PTN: variants seen among roughly 807,000 people sequenced by gnomAD.
PTN encodes the protein heparin affin regulatory protein.
A neutral mutation model predicts 24.1 loss-of-function variants in PTN; 18 were observed. That is an observed-to-expected ratio of 0.75 (90% CI 0.52 to 1.11). The LOEUF is 1.11. Among genes scored for constraint, PTN ranks in the 50% least tolerant of loss-of-function variants. PTN has a pLI of 0.00. For missense variants in PTN, 163 were observed against 198.8 expected, an observed-to-expected ratio of 0.82 and a Z score of 1.08; for synonymous variants, 78 against 68.6, an observed-to-expected ratio of 1.14 and a Z score of -0.67.
chr7:137,241,412 C>T (rs908091069), intron 4 of PTN, among the ~76,000 whole-genome samples: 3 of 152,112 alleles, frequency 2.0e-5, no homozygotes, highest in Non-Finnish European at 4.4e-5. Context: ...CTAAGCTCTC[C>T]GTAAATATAA....
intron 1 of PTN, among the ~76,000 whole-genome samples, chr7:137,308,635 T>A (rs778150297): frequency 6.6e-6 from 1 of 152,130 alleles, no homozygotes; most frequent in Non-Finnish European, 1.5e-5. Flanking sequence ...ACAGTCTATA[T>A]CCTGAGAGGT....
In PTN at chr7:137,311,879, C is replaced by T. The variant is rs571615598; in HGVS notation, c.-2+31560G>A. ...ATTACTAAAATATGACACAGAGACA[C>T]AAAGCGACCACATGCTGTTGGAAAA... On this transcript the variant is annotated intron_variant, in intron 1 of 4. Coordinates refer to ENST00000348225, the MANE Select transcript of PTN (RefSeq NM_002825.7). Among the ~76,000 whole-genome samples, 2 of 146,240 alleles carry T rather than the reference C, an allele frequency of 1.4e-5. 1 individual carries two copies. Among genetic ancestry groups the T allele is most frequent in the African/African-American group, 5.6e-5 (2 of 35,770 alleles).
At chr7:137,250,173 G>A (rs12539564) in intron 4 of PTN, among the ~76,000 whole-genome samples, 2,048 of 152,286 alleles carry the variant, frequency 0.013, 157 homozygotes, top group Admixed American at 0.13. Context: ...GAGTCCCATT[G>A]TATTAGTTGG....
chr7:137,275,535 C>T (rs571951371), intron 1 of PTN, among the ~76,000 whole-genome samples: 2 of 152,064 alleles, frequency 1.3e-5, no homozygotes, highest in African/African-American at 2.4e-5. Flanking sequence ...CATCTTTGTG[C>T]GAGACATAAA....
chr7:137,318,017 A>G (rs1269113478), intron 1 of PTN, among the ~76,000 whole-genome samples: 1 of 152,178 alleles, frequency 6.6e-6, no homozygotes. Flanking sequence ...CTACAATCTC[A>G]GCACTTTGGG....
chr7:137,230,278 G>A (rs2128867047), intron 4 of PTN, among the ~76,000 whole-genome samples: 1 of 151,956 alleles, frequency 6.6e-6, no homozygotes, highest in East Asian at 1.9e-4. Flanking sequence ...GTAAAGGCAA[G>A]AGCACATTCT....
At chr7:137,237,649 T>C (rs894376986) in intron 4 of PTN, among the ~76,000 whole-genome samples, 1 of 152,162 alleles carries the variant, frequency 6.6e-6, no homozygotes, top group African/African-American at 2.4e-5. Context: ...CTTACTGCAT[T>C]AATTCTTTCA....
intron 1 of PTN, among the ~76,000 whole-genome samples, chr7:137,335,367 A>G (rs1810430213): frequency 6.6e-6 from 1 of 152,112 alleles, no homozygotes; most frequent in Admixed American, 6.6e-5. Flanking sequence ...ACTTAAGGGA[A>G]CTTCAGTGAA....
chr7:137,249,035 G>A (rs1185129650), intron 4 of PTN, among the ~76,000 whole-genome samples: 3 of 151,968 alleles, frequency 2.0e-5, no homozygotes, highest in Non-Finnish European at 4.4e-5. Flanking sequence ...ATGAGATACT[G>A]TATAAAGGTG....
chr7:137,293,040 A>G (rs1413094581), intron 1 of PTN, among the ~76,000 whole-genome samples: 6 of 152,196 alleles, frequency 3.9e-5, no homozygotes, highest in Non-Finnish European at 1.5e-5. Context: ...ATGCATATTC[A>G]TTCATTTTTA....
chr7:137,295,102 C>T (rs1367590), intron 1 of PTN, among the ~76,000 whole-genome samples: 89,212 of 151,770 alleles, frequency 0.59, 27,005 homozygotes, highest in South Asian at 0.69. Context: ...GTAGTCAGAC[C>T]GGAAATGTAC....
intron 4 of PTN, chr7:137,236,247 A>G: frequency 1.4e-6 from 1 of 702,246 alleles, no homozygotes; most frequent in East Asian, 2.7e-5. Flanking sequence ...CCTTCTCTAT[A>G]AGAAGGAATT....
intron 4 of PTN, among the ~76,000 whole-genome samples, chr7:137,232,298 A>C (rs970838876): frequency 1.3e-5 from 2 of 152,018 alleles, no homozygotes; most frequent in Non-Finnish European, 2.9e-5. Flanking sequence ...CTGCACTGGA[A>C]TCTCACAGCA....
Position 137,311,845 on chromosome 7 carries a change from A to G in PTN, c.-2+31594T>C, listed in dbSNP as rs970845922. ...ATAATGGTAATAAAAATTTTGAAATATGGTATAAATTACTAAAATATGACA... is the reference window on the plus strand; with the variant it reads ...ATAATGGTAATAAAAATTTTGAAATGTGGTATAAATTACTAAAATATGACA... On this transcript the variant is annotated intron_variant, in intron 1 of 4. Transcript: ENST00000348225. Among the ~76,000 whole-genome samples, 10 of 128,954 alleles carry G rather than the reference A, an allele frequency of 7.8e-5. 1 individual carries two copies. Among genetic ancestry groups the G allele is most frequent in the Admixed American group, 1.4e-4 (2 of 14,166 alleles). The allele number at this position is 128,954 out of a possible 152,430, so 84.6% of individuals were successfully genotyped here. A position where few individuals can be genotyped will look rare whatever the true frequency, so the allele number is the denominator to read the frequency against.
At chr7:137,283,516 T>C (rs1476353391) in intron 1 of PTN, among the ~76,000 whole-genome samples, 1 of 152,174 alleles carries the variant, frequency 6.6e-6, no homozygotes, top group Non-Finnish European at 1.5e-5. Flanking sequence ...GAGAAAAATC[T>C]TGTTAGAAGC....
chr7:137,241,029 C>T lies in PTN; in HGVS notation c.451+10201G>A, dbSNP rs540276112. ...GGCTGGAGAGGTCTCAGGAAACTTA[C>T]AATCATGGCTGAAGGCGAAGGGAAA... is the stretch of plus-strand genomic sequence containing the variant. On this transcript the variant is annotated intron_variant, in intron 4 of 4. Coordinates refer to ENST00000348225, the MANE Select transcript of PTN (RefSeq NM_002825.7). 3.3e-5 allele frequency among the ~76,000 whole-genome samples: 5 copies of T among 152,272 alleles called. No individual in the cohort carries two copies. In the East Asian group the frequency reaches 9.6e-4, roughly 29 times the overall value.
intron 1 of PTN, among the ~76,000 whole-genome samples, chr7:137,335,128 G>T (rs1455109428): frequency 8.0e-6 from 1 of 124,248 alleles, no homozygotes; most frequent in Non-Finnish European, 1.8e-5. Context: ...CACCAGCATG[G>T]CACATGTATA....
chr7:137,307,779 T>C (rs1009873639), intron 1 of PTN, among the ~76,000 whole-genome samples: 1 of 152,028 alleles, frequency 6.6e-6, no homozygotes, highest in African/African-American at 2.4e-5. Context: ...CCCTGCCCAA[T>C]AGAAAGGCAG....
intron 1 of PTN, among the ~76,000 whole-genome samples, chr7:137,300,721 C>A (rs1246357725): frequency 1.3e-5 from 2 of 151,930 alleles, no homozygotes; most frequent in South Asian, 2.1e-4. Flanking sequence ...CCCCCAGTAA[C>A]AACACAAAGG....
Sources: allele counts gnomAD v4.1 joint callset (sites outside exome capture counted in the v4.1 genomes callset), GRCh38; gene constraint gnomAD v4.1.1; transcripts MANE v1.5; gene names NCBI Gene and HGNC (gene_info 2026-07-23, HGNC 2026-07-21).